RELL1: variants seen among roughly 807,000 people sequenced by gnomAD.
The protein encoded by RELL1 is RELT-like protein 1.
A neutral mutation model predicts 23.0 loss-of-function variants in RELL1; 10 were observed. That is an observed-to-expected ratio of 0.43 (90% CI 0.27 to 0.74). The LOEUF is 0.74. Ranked by LOEUF, RELL1 falls within the 30% of genes least tolerant of loss-of-function variation. The pLI is 0.19. For missense variants in RELL1, 315 were observed against 364.4 expected, an observed-to-expected ratio of 0.86 and a Z score of 1.10; for synonymous variants, 146 against 146.8, an observed-to-expected ratio of 0.99 and a Z score of 0.04.
intron 3 of RELL1, among the ~76,000 whole-genome samples, chr4:37,639,506 G>C (rs1375646354): frequency 6.8e-6 from 1 of 146,494 alleles, no homozygotes; most frequent in Non-Finnish European, 1.5e-5. Context: ...TGGGAAGCTA[G>C]GCTGTCAACA....
At chr4:37,657,432 T>G (rs983336850) in intron 1 of RELL1, among the ~76,000 whole-genome samples, 3 of 152,120 alleles carry the variant, frequency 2.0e-5, no homozygotes, top group Non-Finnish European at 4.4e-5. Context: ...GTTTATTTTT[T>G]AAGTGGATGA....
At chr4:37,632,600 C>T (rs1365823524) in intron 5 of RELL1, among the ~76,000 whole-genome samples, 1 of 152,124 alleles carries the variant, frequency 6.6e-6, no homozygotes, top group African/African-American at 2.4e-5. Context: ...GCAGTCCTAT[C>T]TCAACACACA....
downstream of RELL1, among the ~76,000 whole-genome samples, chr4:37,587,926 G>A (rs1305949021): frequency 2.6e-5 from 4 of 152,028 alleles, no homozygotes; most frequent in South Asian, 2.1e-4. Flanking sequence ...CCGAGATTGC[G>A]CCACTGCACT....
At chr4:37,631,320 G>C in intron 6 of RELL1, 65 bp downstream of exon 6, 3 of 1,509,570 alleles carry the variant, frequency 2.0e-6, no homozygotes, top group Non-Finnish European at 2.7e-6. Flanking sequence ...CACCTGGGAG[G>C]CTCCAAGTAC....
chr4:37,674,119 TTGTC>T (rs1428915678), intron 1 of RELL1, among the ~76,000 whole-genome samples: 1 of 152,234 alleles, frequency 6.6e-6, no homozygotes, highest in Non-Finnish European at 1.5e-5. Flanking sequence ...ACACAGCACT[TTGTC>T]TGTAGTTCTC....
At chr4:37,674,966 G>A (rs955202354) in intron 1 of RELL1, among the ~76,000 whole-genome samples, 1 of 152,158 alleles carries the variant, frequency 6.6e-6, no homozygotes, top group Non-Finnish European at 1.5e-5. Flanking sequence ...CTCAAAGATT[G>A]GTAATAGCAT....
chr4:37,684,918 A>T (rs1411599614), intron 1 of RELL1, among the ~76,000 whole-genome samples: 1 of 152,096 alleles, frequency 6.6e-6, no homozygotes, highest in Admixed American at 6.6e-5. Flanking sequence ...GTGCCACTGC[A>T]CTCCAGTCTG....
intron 3 of RELL1, among the ~76,000 whole-genome samples, chr4:37,644,200 C>A (rs13137901): frequency 0.17 from 25,844 of 151,430 alleles, 2,191 homozygotes; most frequent in East Asian, 0.25. Flanking sequence ...GAAAAAAAAA[C>A]CAAAACAGCC....
rs1722404692 is a variant in RELL1 at position 37,686,207 on chromosome 4, C to T, written c.81G>A (p.Val27=). 1 of 1,580,862 alleles carries T rather than the reference C, an allele frequency of 6.3e-7. No homozygotes were observed. The highest frequency in any genetic ancestry group is 1.1e-5 in the South Asian group (1 of 88,840). ...CTACGACCGGACACTCACCCGGAGC[C>T]ACCAGCGGCGAACTCACGGCGCCTC... ...FVGGAVSSPL[V]APDNGSSRTL... The change falls in exon 1 of 7, where the codon GTG becomes GTA. Residue 27 remains valine, a synonymous_variant. Transcript: ENST00000454158.
chr4:37,639,883 G>GTT (rs1560341637), intron 3 of RELL1, among the ~76,000 whole-genome samples: 2 of 152,208 alleles, frequency 1.3e-5, no homozygotes, highest in African/African-American at 2.4e-5. Context: ...AACTGCTGCT[G>GTT]TAAGTTTTAA....
intron 6 of RELL1, among the ~76,000 whole-genome samples, chr4:37,630,044 T>A (rs1720068720): frequency 6.6e-6 from 1 of 152,178 alleles, no homozygotes; most frequent in African/African-American, 2.4e-5. Flanking sequence ...AGTGGCACAC[T>A]GGAGCTTGAA....
chr4:37,669,519 T>G (rs955099077), intron 1 of RELL1, among the ~76,000 whole-genome samples: 1 of 151,604 alleles, frequency 6.6e-6, no homozygotes, highest in African/African-American at 2.4e-5. Context: ...GCCACCACCC[T>G]GTCTGGGAGG....
chr4:37,592,986 C>G (rs12640990), intron 6 of RELL1, among the ~76,000 whole-genome samples: 1 of 152,024 alleles, frequency 6.6e-6, no homozygotes, highest in Non-Finnish European at 1.5e-5. Flanking sequence ...CCTTTAAGGA[C>G]GGCACCCTTA....
chr4:37,644,672 C>T (rs4832929), intron 3 of RELL1, among the ~76,000 whole-genome samples: 18,739 of 151,784 alleles, frequency 0.12, 1,244 homozygotes, highest in Middle Eastern at 0.19. Flanking sequence ...GTTGGCCAGG[C>T]TGGTCTCGAA....
At position 37,595,106 on chromosome 4, in the gene RELL1, T is replaced by G. The variant is rs1219901337; in HGVS notation, c.*4-3889A>C. On this transcript the variant is annotated intron_variant, in intron 6 of 6. Coordinates refer to the RELL1 transcript ENST00000314117. ...CCTCATGCATTTTTAAATCCTCTAT[T>G]TTGGAGTTGGTGACAAACACAGACA... is the stretch of plus-strand genomic sequence containing the variant. Among the ~76,000 whole-genome samples, 4 of 152,326 alleles carry G rather than the reference T, an allele frequency of 2.6e-5. 1 individual carries two copies. Among genetic ancestry groups the G allele is most frequent in the Non-Finnish European group, 5.9e-5 (4 of 68,034 alleles).
At chr4:37,605,795 G>A (rs376347967), downstream of RELL1, among the ~76,000 whole-genome samples, 4,775 of 75,526 alleles carry the variant, frequency 0.063, 91 homozygotes, top group Non-Finnish European at 0.081. Flanking sequence ...GAAAGAAAGA[G>A]AAAGAAAGAA....
chr4:37,682,099 G>A (rs1722247132), intron 1 of RELL1, among the ~76,000 whole-genome samples: 1 of 151,980 alleles, frequency 6.6e-6, no homozygotes, highest in African/African-American at 2.4e-5. Flanking sequence ...TACAAACACA[G>A]GAATAAAATT....
At chr4:37,647,055 G>A (rs1236261739) in intron 3 of RELL1, among the ~76,000 whole-genome samples, 1 of 152,146 alleles carries the variant, frequency 6.6e-6, no homozygotes, top group Non-Finnish European at 1.5e-5. Context: ...CATTTTACAG[G>A]AAGAAACTCT....
At chr4:37,623,709 C>T (rs1260460784) in intron 6 of RELL1, among the ~76,000 whole-genome samples, 3 of 151,954 alleles carry the variant, frequency 2.0e-5, no homozygotes, top group Admixed American at 1.3e-4. Context: ...CACAGGAGTA[C>T]GGCAGGCATC....
Sources: allele counts gnomAD v4.1 joint callset (sites outside exome capture counted in the v4.1 genomes callset), GRCh38; gene constraint gnomAD v4.1.1; transcripts MANE v1.5; gene names NCBI Gene and HGNC (gene_info 2026-07-23, HGNC 2026-07-21).